Variants in XKR6 observed in about 807,000 individuals in gnomAD.
The protein encoded by XKR6 is XK-related protein 6.
In XKR6, 22 loss-of-function variants were observed where a neutral mutation model predicts 56.7. That is an observed-to-expected ratio of 0.39 (90% CI 0.28 to 0.55). The LOEUF (loss-of-function observed/expected upper bound fraction) is 0.55, where lower values mean the gene tolerates loss of function less well. Among genes scored for constraint, XKR6 ranks in the 20% least tolerant of loss-of-function variants. The pLI, the probability that XKR6 is intolerant of heterozygous loss-of-function variation, is 0.66. For missense variants in XKR6, 852 were observed against 889.0 expected (o/e 0.96, Z 0.53); for synonymous variants, 524 against 387.8 (o/e 1.35, Z -4.13).
intron 1 of XKR6, among the ~76,000 whole-genome samples, chr8:10,976,582 C>T (rs965611329): frequency 2.0e-5 from 3 of 152,166 alleles, no homozygotes; most frequent in African/African-American, 7.2e-5. Flanking sequence ...CTGCTATGTG[C>T]CAAACGATGG....
rs574609389 is a variant in XKR6, at chr8:11,151,397, G to A, written c.764+49179C>T. On this transcript the variant is annotated intron_variant, in intron 1 of 2. Transcript: ENST00000416569. ...TACTTTGGAAAAGTTTTGTAGGACTGCAGAAAATTGATTAAGAGCAAAGAA... is the reference window on the plus strand; with the variant it reads ...TACTTTGGAAAAGTTTTGTAGGACTACAGAAAATTGATTAAGAGCAAAGAA... 3.0e-4 allele frequency among the ~76,000 whole-genome samples: 46 copies of A among 152,288 alleles called. 1 individual carries two copies. Among genetic ancestry groups the A allele is most frequent in the African/African-American group, 1.1e-3 (44 of 41,558 alleles).
intron 1 of XKR6, among the ~76,000 whole-genome samples, chr8:10,991,714 A>C (rs528615456): frequency 1.3e-5 from 2 of 152,266 alleles, no homozygotes; most frequent in East Asian, 3.9e-4. Flanking sequence ...TGATTTCTAA[A>C]TTTATTTAAA....
intron 1 of XKR6, among the ~76,000 whole-genome samples, chr8:11,040,761 C>G (rs1021782160): frequency 1.3e-5 from 2 of 152,162 alleles, no homozygotes; most frequent in Non-Finnish European, 2.9e-5. Context: ...CCCCCACCTC[C>G]TAAGACCAGC....
chr8:11,116,796 C>G (rs765246888), intron 1 of XKR6, among the ~76,000 whole-genome samples: 23 of 152,150 alleles, frequency 1.5e-4, no homozygotes, highest in Admixed American at 3.3e-4. Context: ...CCATTTCCCC[C>G]TTTTTCCTTC....
intron 1 of XKR6, among the ~76,000 whole-genome samples, chr8:11,131,031 G>A (rs1292248314): frequency 6.6e-6 from 1 of 152,054 alleles, no homozygotes; most frequent in African/African-American, 2.4e-5. Context: ...TGTAACTGAG[G>A]ACCCTGTTTT....
chr8:11,015,450 G>A (rs1798596698), intron 1 of XKR6, among the ~76,000 whole-genome samples: 2 of 152,056 alleles, frequency 1.3e-5, no homozygotes, highest in Admixed American at 1.3e-4. Context: ...TTCTTTGCCC[G>A]GAACTCCCAC....
At chr8:11,036,100 T>C (rs928158503) in intron 1 of XKR6, among the ~76,000 whole-genome samples, 29 of 151,760 alleles carry the variant, frequency 1.9e-4, no homozygotes, top group African/African-American at 6.5e-4. Context: ...CCCACCACCA[T>C]ACCAGGCTAA....
At chr8:10,899,986 C>A (rs1349657157) in intron 2 of XKR6, among the ~76,000 whole-genome samples, 2 of 152,186 alleles carry the variant, frequency 1.3e-5, no homozygotes, top group African/African-American at 4.8e-5. Context: ...TCCGTTTAAG[C>A]AAGATTTCCC....
At chr8:11,022,545 C>T (rs1394926416) in intron 1 of XKR6, among the ~76,000 whole-genome samples, 2 of 152,162 alleles carry the variant, frequency 1.3e-5, no homozygotes, top group Non-Finnish European at 2.9e-5. Flanking sequence ...GTGTCAAAAT[C>T]CCAAACTCAG....
chr8:11,099,026 T>A (rs1798366746), intron 1 of XKR6, among the ~76,000 whole-genome samples: 1 of 152,142 alleles, frequency 6.6e-6, no homozygotes, highest in African/African-American at 2.4e-5. Context: ...TTCTTCCCCC[T>A]TCCCTAGCCC....
chr8:11,046,260 C>T (rs1278308075), intron 1 of XKR6, among the ~76,000 whole-genome samples: 1 of 152,102 alleles, frequency 6.6e-6, no homozygotes, highest in Non-Finnish European at 1.5e-5. Context: ...ATTAGCTGGG[C>T]ATGGTGGCAC....
At chr8:10,979,650 C>T (rs974322827) in intron 1 of XKR6, among the ~76,000 whole-genome samples, 3 of 152,312 alleles carry the variant, frequency 2.0e-5, no homozygotes, top group East Asian at 1.9e-4. Flanking sequence ...GGGGGACACA[C>T]GAAATCATAT....
chr8:11,077,602 C>A (rs1044269191), intron 1 of XKR6, among the ~76,000 whole-genome samples: 1 of 152,156 alleles, frequency 6.6e-6, no homozygotes, highest in East Asian at 1.9e-4. Context: ...AGGTGACCCT[C>A]GAGGCCTGGA....
intron 1 of XKR6, among the ~76,000 whole-genome samples, chr8:10,997,322 C>T (rs562708473): frequency 6.6e-6 from 1 of 152,276 alleles, no homozygotes; most frequent in East Asian, 1.9e-4. Flanking sequence ...TCAGAACAAC[C>T]TCTTGAGGTG....
At chr8:11,051,503 C>G (rs1479188731) in intron 1 of XKR6, among the ~76,000 whole-genome samples, 1 of 152,186 alleles carries the variant, frequency 6.6e-6, no homozygotes, top group Admixed American at 6.5e-5. Context: ...TCGGGCTTCC[C>G]CAGCGGAGTA....
rs1804204008 is a variant in XKR6, at chr8:11,201,108, G to A, written c.232C>T (p.Leu78=). 8 of 1,474,278 alleles carry A rather than the reference G, an allele frequency of 5.4e-6. No homozygotes were observed. Among genetic ancestry groups the A allele is most frequent in the Non-Finnish European group, 6.3e-6 (7 of 1,116,284 alleles). 91.3% of individuals were successfully genotyped at this position (1,474,278 alleles called of 1,614,324 possible). A position where few individuals can be genotyped will look rare whatever the true frequency, so the allele number is the denominator to read the frequency against. The change falls in exon 1 of 3, where the codon CTG becomes TTG. Residue 78 remains leucine (L), a synonymous_variant. Coordinates refer to ENST00000416569, the MANE Select transcript of XKR6 (RefSeq NM_173683.4). ...GCRSACLRSL[L]GRKPRRSAAA... Reference sequence around the variant, plus strand: ...GCGCTGCGGCGCGGCTTCCTGCCCAGGAGGGAGCGCAGGCAGGCGGAGCGG... The same window carrying A: ...GCGCTGCGGCGCGGCTTCCTGCCCAAGAGGGAGCGCAGGCAGGCGGAGCGG...
chr8:10,896,728 A>G lies in XKR6; in HGVS notation c.*1224T>C, dbSNP rs894750188. 7 of 149,352 alleles carry G rather than the reference A, an allele frequency of 4.7e-5. No homozygotes were observed. Among genetic ancestry groups the G allele is most frequent in the Non-Finnish European group, 7.4e-5 (5 of 67,274 alleles). The allele number at this position is 149,352 out of a possible 1,614,324, so 9.3% of individuals were successfully genotyped here. ...CAATTTTGACTTTTTATATATATGT[A>G]TATATATATATATATTCTAGTTTTC... is the stretch of plus-strand genomic sequence containing the variant. On this transcript the variant is annotated 3_prime_UTR_variant, in exon 3 of 3. Coordinates refer to ENST00000416569, the MANE Select transcript of XKR6 (RefSeq NM_173683.4).
intron 1 of XKR6, among the ~76,000 whole-genome samples, chr8:11,040,468 G>T (rs1056595670): frequency 1.3e-5 from 2 of 152,078 alleles, no homozygotes; most frequent in Admixed American, 6.6e-5. Context: ...GGGGGTCGAG[G>T]CTGCAGTGAG....
chr8:11,185,441 G>T (rs993158763), intron 1 of XKR6, among the ~76,000 whole-genome samples: 16 of 152,186 alleles, frequency 1.1e-4, no homozygotes, highest in Non-Finnish European at 2.4e-4. Flanking sequence ...TCAAATTGCA[G>T]TTTCTAAGAA....
Sources: allele counts gnomAD v4.1 joint callset (sites outside exome capture counted in the v4.1 genomes callset), GRCh38; gene constraint gnomAD v4.1.1; transcripts MANE v1.5; gene names NCBI Gene and HGNC (gene_info 2026-07-23, HGNC 2026-07-21).